Variants in ST7L observed in about 807,000 individuals in gnomAD.
The protein encoded by ST7L is suppression of tumorigenicity 7 like.
In ST7L, 57 loss-of-function variants were observed where a neutral mutation model predicts 72.5. The ratio of observed to expected loss-of-function variants is 0.79; its 90% CI spans 0.64 to 0.98. ST7L has a LOEUF of 0.98. Ranked by LOEUF, ST7L falls within the 50% of genes least tolerant of loss-of-function variation. The pLI is 0.00. For synonymous variants in ST7L, 221 were observed against 240.9 expected (o/e 0.92, Z 0.77); for missense variants, 576 against 672.2 (o/e 0.86, Z 1.58).
At chr1:112,538,598 G>T (rs1474168059) in intron 14 of ST7L, among the ~76,000 whole-genome samples, 2 of 152,176 alleles carry the variant, frequency 1.3e-5, no homozygotes, top group Admixed American at 6.5e-5. Flanking sequence ...GCCTGCCTTG[G>T]CCTCCCAAAG....
At chr1:112,561,081 G>A (rs1660047390) in intron 11 of ST7L, among the ~76,000 whole-genome samples, 1 of 151,400 alleles carries the variant, frequency 6.6e-6, no homozygotes, top group African/African-American at 2.4e-5. Flanking sequence ...AACTCTCTGG[G>A]AAAACTAAAA....
chr1:112,545,647 C>T lies in ST7L; in HGVS notation c.1490-3557G>A, dbSNP rs563194141. Among the ~76,000 whole-genome samples the T allele has an allele frequency of 3.3e-3, 510 of 152,266 alleles. 1 individual carries two copies. Among genetic ancestry groups the T allele is most frequent in the Non-Finnish European group, 6.0e-3 (405 of 68,018 alleles). On this transcript the variant is annotated intron_variant, in intron 13 of 14. Transcript: ENST00000358039. ...CTTACCTATTATCTTGGATATTACT[C>T]CTCACTTGGAAATTTCTTCTTCCTT...
At chr1:112,580,760 T>TA (rs893179956) in intron 9 of ST7L, among the ~76,000 whole-genome samples, 1 of 151,572 alleles carries the variant, frequency 6.6e-6, no homozygotes. Flanking sequence ...TCATCTCTAC[T>TA]AAAAAAAATA....
At chr1:112,602,713 C>CTTTTTTTTT (rs35617753) in intron 3 of ST7L, among the ~76,000 whole-genome samples, 4 of 120,498 alleles carry the variant, frequency 3.3e-5, no homozygotes, top group Non-Finnish European at 6.8e-5. Flanking sequence ...CATTTTCTTT[C>CTTTTTTTTT]TTTTTTTTTT....
chr1:112,537,762 C>T (rs1033488342), intron 14 of ST7L, among the ~76,000 whole-genome samples: 1 of 152,214 alleles, frequency 6.6e-6, no homozygotes, highest in African/African-American at 2.4e-5. Context: ...AACACTTTTT[C>T]ATTGCTCTGT....
Position 112,582,356 on chromosome 1 carries a change from C to A in ST7L, c.954+19G>T. The A allele has an allele frequency of 6.6e-7, 1 of 1,515,922 alleles. No homozygotes were observed. 93.9% of individuals were successfully genotyped at this position (1,515,922 alleles called of 1,614,324 possible). Reference sequence around the variant, plus strand: ...TTCTGGAGGAATAAATGTAATAGTCCCATCATCAATTTACTTACATCTCTC... The same window carrying A: ...TTCTGGAGGAATAAATGTAATAGTCACATCATCAATTTACTTACATCTCTC... On this transcript the variant is annotated intron_variant, in intron 8 of 14. Transcript: ENST00000358039.
intron 11 of ST7L, among the ~76,000 whole-genome samples, chr1:112,568,861 A>ATATATATATATAT (rs1661536936): frequency 8.7e-4 from 100 of 114,802 alleles, no homozygotes; most frequent in East Asian, 5.6e-3. Flanking sequence ...TATAAATATA[A>ATATATATATATAT]ATATATATAT....
intron 14 of ST7L, among the ~76,000 whole-genome samples, chr1:112,537,158 G>C (rs1320079505): frequency 6.6e-6 from 1 of 152,090 alleles, no homozygotes; most frequent in Admixed American, 6.5e-5. Context: ...ACCACGCCCA[G>C]CTAATTTTTT....
At chr1:112,588,935 A>G (rs1230102782) in intron 6 of ST7L, among the ~76,000 whole-genome samples, 1 of 151,904 alleles carries the variant, frequency 6.6e-6, no homozygotes, top group Non-Finnish European at 1.5e-5. Flanking sequence ...TTTACTCCTT[A>G]ATTTTTTCCT....
chr1:112,538,526 G>T (rs1360366234), intron 14 of ST7L, among the ~76,000 whole-genome samples: 4 of 152,088 alleles, frequency 2.6e-5, no homozygotes, highest in Non-Finnish European at 5.9e-5. Flanking sequence ...TGTATATTTG[G>T]AAGAGATGGG....
intron 1 of ST7L, among the ~76,000 whole-genome samples, chr1:112,618,589 A>G (rs138350677): frequency 2.5e-4 from 38 of 152,326 alleles, no homozygotes; most frequent in African/African-American, 8.2e-4. Flanking sequence ...GGGAGCCAAT[A>G]TAAATTACGT....
In ST7L at chr1:112,591,562, T is replaced by G. The variant is rs773094508; in HGVS notation, c.664A>C (p.Ile222Leu). Residue 222 changes from isoleucine (I) to leucine (L), a missense_variant, in exon 6 of 15, where the codon ATC (isoleucine) becomes CTC (leucine). Ile to Leu is a conservative substitution (Grantham distance 5, BLOSUM62 2). Around this residue, in one of 3 missense-constraint regions of ST7L, gnomAD observed 511 missense variants for 600.7 expected, o/e 0.85. Coordinates refer to ENST00000358039, the MANE Select transcript of ST7L (RefSeq NM_017744.5). ...TCTAAAGCTTGATAGGCTGCTTTGATTCGAGCTGGAGGATTTCTTTCCCTC... is the reference window on the plus strand; with the variant it reads ...TCTAAAGCTTGATAGGCTGCTTTGAGTCGAGCTGGAGGATTTCTTTCCCTC... ...AWRERNPPAR[I>L]KAAYQALELN... 6.2e-7 allele frequency: 1 copy of G among 1,611,666 alleles called. No individual in the cohort carries two copies. Among genetic ancestry groups the G allele is most frequent in the Admixed American group, 1.7e-5 (1 of 59,834 alleles).
chr1:112,551,611 GA>G (rs374914825), intron 12 of ST7L, among the ~76,000 whole-genome samples: 32,815 of 151,988 alleles, frequency 0.22, 3,691 homozygotes, highest in Non-Finnish European at 0.26. Context: ...GAGTAGCTGT[GA>G]AAAAAACTGT....
Position 112,555,922 on chromosome 1 carries a change from G to A in ST7L, c.1342C>T (p.His448Tyr). ...AGAGCACCTTCTATTCGTTTCCAGT[G>A]CTGAAGATGAAAGAAAGCATAGGCA... ...AIAYAFFHLQHWKRIEGALNL... is the reference protein window; with the variant it reads ...AIAYAFFHLQYWKRIEGALNL... Residue 448 changes from histidine to tyrosine, a missense_variant, in exon 12 of 15, where the codon CAC becomes TAC. Coordinates refer to ENST00000358039, the MANE Select transcript of ST7L (RefSeq NM_017744.5). 1.2e-6 allele frequency: 2 copies of A among 1,612,326 alleles called. No individual in the cohort carries two copies. Among genetic ancestry groups the A allele is most frequent in the Non-Finnish European group, 1.7e-6 (2 of 1,178,902 alleles).
At position 112,525,456 on chromosome 1, in the gene ST7L, G is replaced by A. The variant is rs1194520023; in HGVS notation, c.*557C>T. On this transcript the variant is annotated 3_prime_UTR_variant, in exon 15 of 15. Transcript: ENST00000358039. Reference sequence around the variant, plus strand: ...CTCAAAGGTAAAGGGATAGAAAAGAGAGGGCGTTGACAAACTCATTTTCCC... The same window carrying A: ...CTCAAAGGTAAAGGGATAGAAAAGAAAGGGCGTTGACAAACTCATTTTCCC... 6.5e-6 allele frequency: 1 copy of A among 152,742 alleles called. No individual in the cohort carries two copies. Among genetic ancestry groups the A allele is most frequent in the African/African-American group, 2.4e-5 (1 of 41,362 alleles). The allele number at this position is 152,742 out of a possible 1,614,324, so 9.5% of individuals were successfully genotyped here.
chr1:112,600,809 C>A lies in ST7L; in HGVS notation c.491G>T (p.Gly164Val), dbSNP rs752790877. 12 of 1,610,800 alleles carry A rather than the reference C, an allele frequency of 7.4e-6. 1 individual carries two copies. The South Asian group carries it at 1.2e-4, about 16-fold the overall frequency. ...VWRNPLNLFR[G>V]AEYRRYTWVT... is the part of the protein sequence containing the mutation. ...AATGTAATACCTCCTATATTCTGCT[C>A]CTCTGAAAAGATTTAGAGGGTTTCT... is the stretch of plus-strand genomic sequence containing the variant. Residue 164 changes from glycine (G) to valine (V), a missense_variant, in exon 4 of 15, where the codon GGA becomes GTA. Gly to Val is a moderately radical substitution (Grantham distance 109, BLOSUM62 -3). Coordinates refer to ENST00000358039, the MANE Select transcript of ST7L (RefSeq NM_017744.5).
intron 5 of ST7L, among the ~76,000 whole-genome samples, chr1:112,596,852 G>T (rs539293249): frequency 6.6e-6 from 1 of 152,194 alleles, no homozygotes; most frequent in East Asian, 1.9e-4. Context: ...GACCAGGCTG[G>T]TCTCGAACTC....
chr1:112,618,812 G>A, intron 1 of ST7L, 97 bp downstream of exon 1: 1 of 1,481,758 alleles, frequency 6.7e-7, no homozygotes, highest in Non-Finnish European at 9.0e-7. Flanking sequence ...CTCCTCAGAG[G>A]CCCTCTAGGA....
intron 2 of ST7L, among the ~76,000 whole-genome samples, chr1:112,615,451 G>A (rs1669725547): frequency 6.6e-6 from 1 of 152,000 alleles, no homozygotes; most frequent in African/African-American, 2.4e-5. Flanking sequence ...AGGAAACTGG[G>A]GCTTGAAAAA....
Sources: allele counts gnomAD v4.1 joint callset (sites outside exome capture counted in the v4.1 genomes callset), GRCh38; gene constraint gnomAD v4.1.1; regional missense constraint gnomAD v4.1.1; transcripts MANE v1.5; gene names NCBI Gene and HGNC (gene_info 2026-07-23, HGNC 2026-07-21).